CSMD1: variants seen among roughly 807,000 people sequenced by gnomAD.
CSMD1 encodes CUB and Sushi multiple domains 1, also known as CUB and sushi domain-containing protein 1.
CSMD1 carries 213 observed loss-of-function variants against 417.5 expected under a neutral mutation model. That is an observed-to-expected ratio of 0.51 (90% CI 0.46 to 0.57). The LOEUF (loss-of-function observed/expected upper bound fraction) is 0.57. Ranked by LOEUF, CSMD1 falls within the 20% of genes least tolerant of loss-of-function variation. The pLI, the probability that CSMD1 is intolerant of heterozygous loss-of-function variation, is 0.00. For synonymous variants in CSMD1, 2,862 were observed against 1,736.8 expected, an observed-to-expected ratio of 1.65 and a Z score of -16.11; for missense variants, 6,923 against 4,529.7, an observed-to-expected ratio of 1.53 and a Z score of -15.17.
intron 5 of CSMD1, among the ~76,000 whole-genome samples, chr8:3,950,686 T>C (rs564005155): frequency 6.6e-6 from 1 of 152,230 alleles, no homozygotes. Flanking sequence ...ACTTTAATAA[T>C]GCATTATGGA....
chr8:4,787,939 A>G lies in CSMD1; in HGVS notation c.86-150381T>C, dbSNP rs1048017357. 1.4e-4 allele frequency: 226 copies of G among 1,594,150 alleles called. 1 individual carries two copies. The highest frequency in any genetic ancestry group is 1.4e-4 in the Non-Finnish European group (168 of 1,168,332). On this transcript the variant is annotated intron_variant, in intron 1 of 69. Transcript: ENST00000635120. Reference sequence around the variant, plus strand: ...GAAATTGTTCTTGCTGATGTAATTGACAATGATTCCTGGAGACTCTGGCCA... The same window carrying G: ...GAAATTGTTCTTGCTGATGTAATTGGCAATGATTCCTGGAGACTCTGGCCA...
At chr8:4,501,780 G>C (rs112163460) in intron 2 of CSMD1, among the ~76,000 whole-genome samples, 16 of 152,118 alleles carry the variant, frequency 1.1e-4, no homozygotes, top group Non-Finnish European at 1.5e-4. Flanking sequence ...TCAAGTTGTC[G>C]TTATTTGACT....
At chr8:3,091,468 A>G (rs769379094) in intron 48 of CSMD1, 48 bp downstream of exon 48, 1 of 1,402,332 alleles carries the variant, frequency 7.1e-7, no homozygotes, top group Non-Finnish European at 9.7e-7. Flanking sequence ...AATGAAAATC[A>G]CCTGTTTTAA....
chr8:4,705,232 T>A (rs1409861628), intron 1 of CSMD1, among the ~76,000 whole-genome samples: 1 of 152,206 alleles, frequency 6.6e-6, no homozygotes, highest in East Asian at 1.9e-4. Flanking sequence ...CTCCTTCTTT[T>A]AAAAATTTCC....
intron 1 of CSMD1, among the ~76,000 whole-genome samples, chr8:4,879,282 C>G (rs1168251301): frequency 1.3e-5 from 2 of 151,830 alleles, no homozygotes; most frequent in East Asian, 3.9e-4. Flanking sequence ...GAGATAGTTT[C>G]AATTTGTGTT....
At chr8:4,392,244 G>A (rs781443787) in intron 3 of CSMD1, among the ~76,000 whole-genome samples, 3 of 152,094 alleles carry the variant, frequency 2.0e-5, no homozygotes, top group Non-Finnish European at 4.4e-5. Flanking sequence ...TACTTGTGAG[G>A]ATATAAACTG....
chr8:4,444,438 C>G (rs1224582960), intron 2 of CSMD1, among the ~76,000 whole-genome samples: 1 of 143,124 alleles, frequency 7.0e-6, no homozygotes, highest in African/African-American at 2.6e-5. Context: ...ACTTTTAGAT[C>G]AACAGCATGT....
intron 1 of CSMD1, among the ~76,000 whole-genome samples, chr8:4,912,651 G>T (rs1202098223): frequency 1.3e-5 from 2 of 152,216 alleles, no homozygotes; most frequent in South Asian, 4.2e-4. Context: ...GTGACATGTA[G>T]GTCAGGAACC....
At chr8:3,036,030 A>T (rs1398461331) in intron 50 of CSMD1, among the ~76,000 whole-genome samples, 1 of 152,196 alleles carries the variant, frequency 6.6e-6, no homozygotes, top group African/African-American at 2.4e-5. Flanking sequence ...ACCTTAAATT[A>T]TGCTTCCCAA....
At chr8:4,311,054 G>A (rs1452102233) in intron 3 of CSMD1, among the ~76,000 whole-genome samples, 1 of 152,156 alleles carries the variant, frequency 6.6e-6, no homozygotes, top group Non-Finnish European at 1.5e-5. Flanking sequence ...ACTGGTGGGA[G>A]TGTAAATTAG....
At chr8:4,416,265 C>T (rs923800705) in intron 3 of CSMD1, among the ~76,000 whole-genome samples, 62 of 152,170 alleles carry the variant, frequency 4.1e-4, no homozygotes, top group African/African-American at 1.4e-3. Flanking sequence ...TTTCCGAAAG[C>T]TACTGGATCA....
intron 5 of CSMD1, among the ~76,000 whole-genome samples, chr8:3,949,088 A>G (rs911653800): frequency 7.9e-5 from 12 of 152,212 alleles, no homozygotes; most frequent in African/African-American, 2.9e-4. Context: ...ATAAATACAA[A>G]TTATACCTAT....
chr8:4,509,718 C>G (rs542901271), intron 2 of CSMD1, among the ~76,000 whole-genome samples: 2 of 152,188 alleles, frequency 1.3e-5, no homozygotes, highest in East Asian at 1.9e-4. Flanking sequence ...CTTATTAAGC[C>G]TCATTCTAAG....
intron 3 of CSMD1, among the ~76,000 whole-genome samples, chr8:4,404,634 T>G (rs1221673492): frequency 6.6e-6 from 1 of 152,132 alleles, no homozygotes; most frequent in Admixed American, 6.6e-5. Flanking sequence ...CTAAGTAATG[T>G]GAATTTATAT....
chr8:4,738,826 G>C (rs907504251), intron 1 of CSMD1, among the ~76,000 whole-genome samples: 2 of 151,542 alleles, frequency 1.3e-5, no homozygotes, highest in Non-Finnish European at 1.5e-5. Flanking sequence ...AACTACAGAT[G>C]GAGAATAGAA....
Position 2,961,154 on chromosome 8 carries a change from G to C in CSMD1, c.9689C>G (p.Ser3230Cys). 3 of 1,593,160 alleles carry C rather than the reference G, an allele frequency of 1.9e-6. No homozygotes were observed. Among genetic ancestry groups the C allele is most frequent in the Non-Finnish European group, 1.7e-6 (2 of 1,165,524 alleles). ...GTPHFGIQNS[S>C]RGYEVGSTVF... ...ATAATGAACTACCTCATAGCCTCTG[G>C]AGCTATTCTGTATTCCAAAGTGTGG... is the stretch of plus-strand genomic sequence containing the variant. The change falls in exon 62 of 70, where the codon TCC (serine) becomes TGC (cysteine). Residue 3230 changes from serine (S) to cysteine (C), a missense_variant. By Grantham distance (112) the Ser-to-Cys change is moderately radical. Transcript: ENST00000635120.
At chr8:4,160,072 A>G (rs377585590) in intron 3 of CSMD1, among the ~76,000 whole-genome samples, 87 of 147,722 alleles carry the variant, frequency 5.9e-4, no homozygotes, top group African/African-American at 2.0e-3. Context: ...CTGTTCTCCA[A>G]AAGTATGGAA....
intron 3 of CSMD1, among the ~76,000 whole-genome samples, chr8:4,183,831 C>G (rs781268105): frequency 2.0e-5 from 3 of 152,178 alleles, no homozygotes; most frequent in Non-Finnish European, 4.4e-5. Context: ...TGTCTCCCCT[C>G]CTGGATTGCC....
intron 5 of CSMD1, among the ~76,000 whole-genome samples, chr8:3,895,836 G>A (rs938940101): frequency 8.5e-5 from 13 of 152,106 alleles, no homozygotes; most frequent in Admixed American, 5.2e-4. Flanking sequence ...CTCTGACCTG[G>A]CTTGTTCCCT....
Sources: allele counts gnomAD v4.1 joint callset (sites outside exome capture counted in the v4.1 genomes callset), GRCh38; gene constraint gnomAD v4.1.1; transcripts MANE v1.5; gene names NCBI Gene and HGNC (gene_info 2026-07-23, HGNC 2026-07-21).